The following UBE2W variants were observed in gnomAD, a reference collection of about 807,000 sequenced individuals.
UBE2W encodes ubiquitin conjugating enzyme E2 W.
In UBE2W, 18 loss-of-function variants were observed where a neutral mutation model predicts 27.2. That is an observed-to-expected ratio of 0.66 (90% CI 0.46 to 0.98). UBE2W has a LOEUF of 0.98. UBE2W is among the 50% of genes least tolerant of loss of function. UBE2W has a pLI of 0.00. For synonymous variants in UBE2W, 53 were observed against 57.2 expected (o/e 0.93, Z 0.33); for missense variants, 90 against 180.2 (o/e 0.50, Z 2.87).
At position 73,787,994 on chromosome 8, in the gene UBE2W, A is replaced by G. The variant is rs528980394; in HGVS notation, c.*6108T>C. On this transcript the variant is annotated 3_prime_UTR_variant, in exon 6 of 6. Coordinates refer to ENST00000602593, the MANE Select transcript of UBE2W (RefSeq NM_018299.6). ...TCTGTTGCACTCATTTTGGAAATGG[A>G]CATGTTCCTGTTTCTATAATCCTTT... The G allele has an allele frequency of 6.1e-5, 60 of 985,446 alleles. No homozygotes were observed. The African/African-American group carries it at 6.6e-4, about 11-fold the overall frequency. 61.0% of individuals were successfully genotyped at this position (985,446 alleles called of 1,614,324 possible). A position where few individuals can be genotyped will look rare whatever the true frequency, so the allele number is the denominator to read the frequency against.
chr8:73,834,982 A>G (rs1235779900), intron 1 of UBE2W, among the ~76,000 whole-genome samples: 1 of 152,204 alleles, frequency 6.6e-6, no homozygotes, highest in Non-Finnish European at 1.5e-5. Flanking sequence ...AACCCTTTGT[A>G]GAGCGTCTCA....
chr8:73,830,527 C>G, intron 1 of UBE2W, 55 bp from the exon 2 acceptor site: 1 of 1,453,490 alleles, frequency 6.9e-7, no homozygotes, highest in Non-Finnish European at 9.7e-7. Flanking sequence ...TCTGGGTCAC[C>G]CAGGTTGGAG....
intron 1 of UBE2W, among the ~76,000 whole-genome samples, chr8:73,862,221 G>T (rs1408028047): frequency 6.6e-6 from 1 of 152,328 alleles, no homozygotes; most frequent in South Asian, 2.1e-4. Context: ...TGTGAGGTCA[G>T]GATTTGAGAC....
chr8:73,811,158 T>C (rs1336968346), intron 3 of UBE2W, among the ~76,000 whole-genome samples: 2 of 152,168 alleles, frequency 1.3e-5, no homozygotes, highest in African/African-American at 2.4e-5. Flanking sequence ...TCCATTATGA[T>C]GGGTACAAGT....
At chr8:73,861,872 A>C (rs998611830) in intron 1 of UBE2W, among the ~76,000 whole-genome samples, 1 of 152,236 alleles carries the variant, frequency 6.6e-6, no homozygotes, top group African/African-American at 2.4e-5. Context: ...TAAAGCTGAT[A>C]GGACAGTCAA....
intron 1 of UBE2W, among the ~76,000 whole-genome samples, chr8:73,861,625 G>A (rs1425588201): frequency 6.6e-6 from 1 of 152,094 alleles, no homozygotes; most frequent in African/African-American, 2.4e-5. Context: ...CGTTTTAAAT[G>A]AGATTTTTAT....
At chr8:73,825,390 A>G (rs1320347237) in intron 2 of UBE2W, 141 bp from the exon 3 acceptor site, 3 of 570,136 alleles carry the variant, frequency 5.3e-6, no homozygotes, top group South Asian at 2.7e-5. Context: ...CAGCCTCCCA[A>G]TAACTCTCTT....
At chr8:73,847,204 G>A (rs2130940593) in intron 1 of UBE2W, among the ~76,000 whole-genome samples, 1 of 152,008 alleles carries the variant, frequency 6.6e-6, no homozygotes, top group Middle Eastern at 3.4e-3. Context: ...ATAAGCAAAA[G>A]TCTAGAATTC....
chr8:73,865,898 T>C (rs1314740989), intron 1 of UBE2W, among the ~76,000 whole-genome samples: 1 of 152,128 alleles, frequency 6.6e-6, no homozygotes, highest in African/African-American at 2.4e-5. Flanking sequence ...TGAGATGCCC[T>C]CTGGCTCAAA....
chr8:73,876,970 A>T (rs1305659163), intron 1 of UBE2W, among the ~76,000 whole-genome samples: 1 of 152,132 alleles, frequency 6.6e-6, no homozygotes, highest in South Asian at 2.1e-4. Flanking sequence ...TCCATCTCAA[A>T]AAAGAAAAAA....
intron 2 of UBE2W, among the ~76,000 whole-genome samples, chr8:73,825,816 A>G (rs1264507953): frequency 1.3e-5 from 2 of 152,140 alleles, no homozygotes; most frequent in African/African-American, 4.8e-5. Context: ...ACAAACAAAC[A>G]GACCTCAAAC....
At chr8:73,798,485 G>T (rs1338691144) in intron 5 of UBE2W, among the ~76,000 whole-genome samples, 2 of 152,074 alleles carry the variant, frequency 1.3e-5, no homozygotes, top group Non-Finnish European at 2.9e-5. Flanking sequence ...TCGAATAAGG[G>T]ATATTCAACC....
chr8:73,783,289 C>T (rs1330981302), downstream of UBE2W, among the ~76,000 whole-genome samples: 1 of 152,154 alleles, frequency 6.6e-6, no homozygotes, highest in Non-Finnish European at 1.5e-5. Flanking sequence ...AAATCTTTGT[C>T]AAATCCAAGA....
At chr8:73,846,902 G>A (rs913163138) in intron 1 of UBE2W, among the ~76,000 whole-genome samples, 7 of 152,228 alleles carry the variant, frequency 4.6e-5, no homozygotes, top group African/African-American at 1.7e-4. Context: ...GCCAGGTGCA[G>A]TGGCTCAAGC....
chr8:73,841,793 T>C (rs893200490), intron 1 of UBE2W, among the ~76,000 whole-genome samples: 10 of 152,256 alleles, frequency 6.6e-5, no homozygotes, highest in African/African-American at 2.2e-4. Flanking sequence ...ACAAATCCAA[T>C]AGCAAAACCA....
chr8:73,826,844 G>A (rs908687368), intron 2 of UBE2W, among the ~76,000 whole-genome samples: 1 of 152,132 alleles, frequency 6.6e-6, no homozygotes, highest in Non-Finnish European at 1.5e-5. Flanking sequence ...CCCTACATAC[G>A]TAAAAAACCT....
intron 3 of UBE2W, among the ~76,000 whole-genome samples, chr8:73,821,523 G>C (rs541497658): frequency 7.1e-6 from 1 of 139,894 alleles, no homozygotes; most frequent in African/African-American, 2.9e-5. Context: ...TGTGTGTGGT[G>C]GGGGGGTGGA....
chr8:73,798,744 C>T (rs1367828243), intron 5 of UBE2W, among the ~76,000 whole-genome samples: 1 of 152,154 alleles, frequency 6.6e-6, no homozygotes, highest in Non-Finnish European at 1.5e-5. Context: ...TTCCCAAGAA[C>T]AATTATCATG....
At position 73,836,258 on chromosome 8, in the gene UBE2W, A is replaced by G. The variant is rs114350045; in HGVS notation, c.16-5786T>C. 3.5e-3 allele frequency among the ~76,000 whole-genome samples: 531 copies of G among 152,290 alleles called. 5 individuals are homozygous for G. The highest frequency in any genetic ancestry group is 0.012 in the African/African-American group (505 of 41,550). Reference sequence around the variant, plus strand: ...ACATTAAAAAAAGACAATTCATGCCAGCCCCCAGCCTTCTTAGCTACTAGG... The same window carrying G: ...ACATTAAAAAAAGACAATTCATGCCGGCCCCCAGCCTTCTTAGCTACTAGG... On this transcript the variant is annotated intron_variant, in intron 1 of 5. Transcript: ENST00000602593.
Sources: gnomAD v4.1 joint callset for allele counts (sites outside exome capture counted in the v4.1 genomes callset) on GRCh38, gnomAD v4.1.1 for gene constraint, MANE v1.5 for transcripts, NCBI Gene and HGNC (gene_info 2026-07-23, HGNC 2026-07-21) for gene names.